The following PACRG variants were observed in gnomAD, a reference collection of about 807,000 sequenced individuals.
PACRG encodes parkin coregulated gene protein.
Under a neutral mutation model 29.7 loss-of-function variants are expected in PACRG, and 29 were observed. The observed-to-expected ratio is 0.98, with a 90% CI of 0.73 to 1.33. The LOEUF (loss-of-function observed/expected upper bound fraction) is 1.33, where lower values mean the gene tolerates loss of function less well. Among genes scored for constraint, PACRG ranks in the 40% most tolerant of loss-of-function variants. The pLI, the probability that PACRG is intolerant of heterozygous loss-of-function variation, is 0.00. For synonymous variants in PACRG, 116 were observed against 118.7 expected, an observed-to-expected ratio of 0.98 and a Z score of 0.15; for missense variants, 279 against 316.2, an observed-to-expected ratio of 0.88 and a Z score of 0.89.
chr6:163,040,962 G>A (rs1182265567), intron 2 of PACRG, among the ~76,000 whole-genome samples: 2 of 152,146 alleles, frequency 1.3e-5, no homozygotes, highest in Non-Finnish European at 2.9e-5. Context: ...AATGTGAAAA[G>A]GACATGAGAT....
chr6:162,771,713 CA>C (rs1199876415), intron 1 of PACRG, among the ~76,000 whole-genome samples: 5 of 152,008 alleles, frequency 3.3e-5, no homozygotes, highest in Non-Finnish European at 7.4e-5. Context: ...GGTGGGTAAT[CA>C]TTTTTAAAAA....
chr6:162,915,491 C>T (rs1323735889), intron 2 of PACRG, among the ~76,000 whole-genome samples: 1 of 152,038 alleles, frequency 6.6e-6, no homozygotes, highest in East Asian at 1.9e-4. Context: ...TACAGCTTGA[C>T]AGTGTCTGTT....
intron 4 of PACRG, among the ~76,000 whole-genome samples, chr6:163,219,159 G>A (rs1403163867): frequency 6.6e-6 from 1 of 152,202 alleles, no homozygotes; most frequent in African/African-American, 2.4e-5. Flanking sequence ...TGTCTAAATA[G>A]GTGATTTAGA....
intron 4 of PACRG, among the ~76,000 whole-genome samples, chr6:163,308,367 A>T (rs1022362400): frequency 6.6e-6 from 1 of 152,192 alleles, no homozygotes; most frequent in Non-Finnish European, 1.5e-5. Flanking sequence ...AATCCAATAA[A>T]CACAAAGGAA....
chr6:162,859,036 T>C (rs1216926921), intron 2 of PACRG, among the ~76,000 whole-genome samples: 4 of 152,234 alleles, frequency 2.6e-5, no homozygotes, highest in African/African-American at 9.6e-5. Flanking sequence ...TGGAGTATCA[T>C]GTTCTGAACC....
At chr6:162,813,313 G>A (rs868673435) in intron 1 of PACRG, among the ~76,000 whole-genome samples, 3 of 151,854 alleles carry the variant, frequency 2.0e-5, no homozygotes, top group Non-Finnish European at 4.4e-5. Context: ...TTTTCAGTAA[G>A]CAGGGAAAAA....
chr6:163,126,380 C>G (rs891636766), intron 4 of PACRG, among the ~76,000 whole-genome samples: 4 of 152,196 alleles, frequency 2.6e-5, no homozygotes, highest in African/African-American at 9.6e-5. Flanking sequence ...ATTAATCCCC[C>G]TAGATGAGCC....
At chr6:162,810,191 T>C (rs1169763808) in intron 1 of PACRG, among the ~76,000 whole-genome samples, 1 of 152,148 alleles carries the variant, frequency 6.6e-6, no homozygotes, top group East Asian at 1.9e-4. Flanking sequence ...CTCCCTCCTC[T>C]GGGGTCACCC....
At chr6:162,886,032 C>T (rs1794306763) in intron 2 of PACRG, among the ~76,000 whole-genome samples, 1 of 152,042 alleles carries the variant, frequency 6.6e-6, no homozygotes, top group African/African-American at 2.4e-5. Flanking sequence ...AGAATCTAGT[C>T]CAGATCACAC....
chr6:163,298,939 G>A (rs980573373), intron 4 of PACRG, among the ~76,000 whole-genome samples: 5 of 152,086 alleles, frequency 3.3e-5, no homozygotes, highest in Non-Finnish European at 7.4e-5. Context: ...CTGGATCATC[G>A]TGCCTGTAGT....
At chr6:163,003,116 A>G (rs1229781989) in intron 2 of PACRG, among the ~76,000 whole-genome samples, 1 of 152,182 alleles carries the variant, frequency 6.6e-6, no homozygotes, top group Non-Finnish European at 1.5e-5. Flanking sequence ...GCTAACTCCA[A>G]CATGGCAGTC....
chr6:163,220,909 A>G (rs1198293519), intron 4 of PACRG, among the ~76,000 whole-genome samples: 1 of 152,206 alleles, frequency 6.6e-6, no homozygotes, highest in Non-Finnish European at 1.5e-5. Context: ...CATTTGGGAA[A>G]GGAAGACCTA....
intron 4 of PACRG, among the ~76,000 whole-genome samples, chr6:163,104,858 T>G (rs980120128): frequency 1.3e-5 from 2 of 152,188 alleles, no homozygotes; most frequent in Admixed American, 1.3e-4. Flanking sequence ...TTCAATTACC[T>G]TGCCAAATTG....
At chr6:162,994,792 G>A (rs530420603) in intron 2 of PACRG, among the ~76,000 whole-genome samples, 9,679 of 150,822 alleles carry the variant, frequency 0.064, 836 homozygotes, top group African/African-American at 0.2. Context: ...AAGGAACTGC[G>A]TTCCTTTGGA....
chr6:162,822,491 T>C (rs1485474812), intron 2 of PACRG, among the ~76,000 whole-genome samples: 2 of 152,246 alleles, frequency 1.3e-5, no homozygotes, highest in African/African-American at 2.4e-5. Flanking sequence ...AGAATCATTT[T>C]AAAGCCAACC....
chr6:163,044,842 C>T (rs912416068), intron 2 of PACRG: 1 of 152,156 alleles, frequency 6.6e-6, no homozygotes, highest in African/African-American at 2.4e-5. Flanking sequence ...TGGATTTATC[C>T]ATTAAGGTTT....
At chr6:163,294,593 A>T (rs1472014623) in intron 4 of PACRG, among the ~76,000 whole-genome samples, 1 of 152,198 alleles carries the variant, frequency 6.6e-6, no homozygotes, top group African/African-American at 2.4e-5. Context: ...ATTTTCTTTT[A>T]TAGTAAATTT....
chr6:162,862,005 T>C (rs1791901062), intron 2 of PACRG, among the ~76,000 whole-genome samples: 1 of 152,202 alleles, frequency 6.6e-6, no homozygotes, highest in Non-Finnish European at 1.5e-5. Flanking sequence ...CACTAAGGTC[T>C]TGGCATTTCT....
chr6:163,153,691 T>C (rs1032734319), intron 4 of PACRG, among the ~76,000 whole-genome samples: 8 of 152,200 alleles, frequency 5.3e-5, no homozygotes, highest in African/African-American at 1.7e-4. Flanking sequence ...AGTAGTGTCT[T>C]GAACAGCAAT....
Sources: allele counts gnomAD v4.1 joint callset (sites outside exome capture counted in the v4.1 genomes callset), GRCh38; gene constraint gnomAD v4.1.1; transcripts MANE v1.5; gene names NCBI Gene and HGNC (gene_info 2026-07-23, HGNC 2026-07-21).